Variants in PRKN observed in about 807,000 individuals in gnomAD.
The protein encoded by PRKN is E3 ubiquitin-protein ligase parkin.
Under a neutral mutation model 59.5 loss-of-function variants are expected in PRKN, and 56 were observed. The observed-to-expected ratio is 0.94, with a 90% confidence interval of 0.76 to 1.18. PRKN has a LOEUF of 1.18. Among genes scored for constraint, PRKN ranks in the 50% most tolerant of loss-of-function variants. The pLI is 0.00. For missense variants in PRKN, 657 were observed against 596.4 expected, an observed-to-expected ratio of 1.10 and a Z score of -1.06; for synonymous variants, 250 against 222.1, an observed-to-expected ratio of 1.13 and a Z score of -1.12.
At chr6:161,606,919 C>T (rs1252139113) in intron 7 of PRKN, among the ~76,000 whole-genome samples, 1 of 152,204 alleles carries the variant, frequency 6.6e-6, no homozygotes, top group African/African-American at 2.4e-5. Context: ...AGTAGCCCTA[C>T]AGAGTGGATC....
rs570631658 is a variant in PRKN at position 161,405,523 on chromosome 6, A to G, written c.1084-18646T>C. On this transcript the variant is annotated intron_variant, in intron 9 of 11. Coordinates refer to ENST00000366898, the MANE Select transcript of PRKN (RefSeq NM_004562.3). The surrounding 1 kb of genome is among the most constrained non-coding windows in gnomAD (Gnocchi z 5.1). ...AACCCAAGATGTGCAGGTTGTAGTG[A>G]CCCAAGATCGTGCCATTGCACCCCA... Among the ~76,000 whole-genome samples, 1 of 152,080 alleles carries G rather than the reference A, an allele frequency of 6.6e-6. No individual in the cohort carries two copies. Among genetic ancestry groups the G allele is most frequent in the South Asian group, 2.1e-4 (1 of 4,822 alleles).
chr6:162,554,348 ACAAAATTAG>A (rs1779464515), intron 1 of PRKN, among the ~76,000 whole-genome samples: 1 of 152,074 alleles, frequency 6.6e-6, no homozygotes, highest in South Asian at 2.1e-4. Flanking sequence ...TACTAAAAAT[ACAAAATTAG>A]CCGGGCGTGG....
intron 9 of PRKN, among the ~76,000 whole-genome samples, chr6:161,432,377 T>C (rs896644414): frequency 7.9e-6 from 1 of 126,642 alleles, no homozygotes; most frequent in Non-Finnish European, 1.7e-5. Flanking sequence ...TTTTTTTTTT[T>C]TTGAGACGAA....
intron 1 of PRKN, among the ~76,000 whole-genome samples, chr6:162,475,703 C>G (rs368489425): frequency 7.4e-6 from 1 of 134,822 alleles, no homozygotes; most frequent in African/African-American, 2.7e-5. Context: ...GTACAAAACA[C>G]CACTATTTAT....
chr6:161,854,243 A>C (rs1405196186), intron 6 of PRKN, among the ~76,000 whole-genome samples: 1 of 152,104 alleles, frequency 6.6e-6, no homozygotes, highest in Non-Finnish European at 1.5e-5. Flanking sequence ...TGACAGAGCA[A>C]GATTCCATAT....
intron 3 of PRKN, among the ~76,000 whole-genome samples, chr6:162,225,442 T>G (rs1218987750): frequency 6.6e-6 from 1 of 152,220 alleles, no homozygotes; most frequent in Non-Finnish European, 1.5e-5. Flanking sequence ...TGTGGTCTAT[T>G]TTTAAAGCTG....
At chr6:162,099,861 T>C (rs1779892493) in intron 4 of PRKN, among the ~76,000 whole-genome samples, 1 of 152,178 alleles carries the variant, frequency 6.6e-6, no homozygotes, top group Non-Finnish European at 1.5e-5. Context: ...TACTGTGCAA[T>C]ACATCACTTT....
In PRKN at chr6:162,052,559, G is replaced by T. The variant is rs138252361; in HGVS notation, c.618+1532C>A. ...ATTTCAGGACTCCTTTGAAAGTACA[G>T]GGCTCCTAGAGGATTTGGGCTACTC... On this transcript the variant is annotated intron_variant, in intron 5 of 11. Transcript: ENST00000366898. Among the ~76,000 whole-genome samples, 631 of 152,228 alleles carry T rather than the reference G, an allele frequency of 4.1e-3. 4 individuals are homozygous for T. Among genetic ancestry groups the T allele is most frequent in the African/African-American group, 0.014 (591 of 41,536 alleles).
At chr6:161,430,287 G>A (rs1311741169) in intron 9 of PRKN, among the ~76,000 whole-genome samples, 1 of 152,198 alleles carries the variant, frequency 6.6e-6, no homozygotes, top group Non-Finnish European at 1.5e-5. Flanking sequence ...CCATCCATGA[G>A]GGTAGAGTCC....
chr6:162,636,233 T>A (rs1413813114), intron 1 of PRKN, among the ~76,000 whole-genome samples: 3 of 142,492 alleles, frequency 2.1e-5, no homozygotes, highest in Non-Finnish European at 3.0e-5. Context: ...CATTTGTTTT[T>A]TCTTTTGCAA....
intron 5 of PRKN, among the ~76,000 whole-genome samples, chr6:162,020,974 G>A (rs993527358): frequency 1.3e-4 from 19 of 150,700 alleles, no homozygotes; most frequent in South Asian, 2.1e-4. Flanking sequence ...ATGGTGGTGC[G>A]CACCTGTAAT....
chr6:162,021,885 C>T lies in PRKN; in HGVS notation c.618+32206G>A, dbSNP rs116918246. Among the ~76,000 whole-genome samples, 85 of 152,138 alleles carry T rather than the reference C, an allele frequency of 5.6e-4. No homozygotes were observed. In the East Asian group the frequency reaches 0.014, roughly 26 times the overall value. The stretch of plus-strand genomic sequence containing the variant: ...TAGAATTCTCCAGTGTCTATTGTAC[C>T]CGTCTTTATGTCCATGTGTACCCAT... On this transcript the variant is annotated intron_variant, in intron 5 of 11. Transcript: ENST00000366898.
intron 6 of PRKN, among the ~76,000 whole-genome samples, chr6:161,821,042 C>G (rs1358838463): frequency 6.6e-6 from 1 of 151,926 alleles, no homozygotes; most frequent in African/African-American, 2.4e-5. Context: ...AAAAAATGGA[C>G]AAAAAGCCCA....
intron 2 of PRKN, among the ~76,000 whole-genome samples, chr6:162,338,231 T>C (rs972361438): frequency 1.3e-5 from 2 of 152,048 alleles, no homozygotes; most frequent in African/African-American, 4.8e-5. Context: ...AGAAGTAGTC[T>C]CTGAAAAAGA....
chr6:162,570,007 A>T (rs367558026), intron 1 of PRKN, among the ~76,000 whole-genome samples: 1 of 152,240 alleles, frequency 6.6e-6, no homozygotes, highest in East Asian at 1.9e-4. Flanking sequence ...CAATCAACAA[A>T]GTGAAGAGAC....
In PRKN at chr6:161,405,818, G is replaced by T. The variant is rs1787246235; in HGVS notation, c.1084-18941C>A. Among the ~76,000 whole-genome samples, 1 of 152,002 alleles carries T rather than the reference G, an allele frequency of 6.6e-6. No homozygotes were observed. The highest frequency in any genetic ancestry group is 2.4e-5 in the African/African-American group (1 of 41,350). On this transcript the variant is annotated intron_variant, in intron 9 of 11. Transcript: ENST00000366898. The surrounding 1 kb of genome is among the most constrained non-coding windows in gnomAD (Gnocchi z 5.1). ...GATCAGCAGAAGGGTTAACTGCCAA[G>T]TCTATGCCTGTTCCTACCAATTTGG...
At chr6:162,484,175 A>C (rs4709631) in intron 1 of PRKN, among the ~76,000 whole-genome samples, 82,058 of 152,112 alleles carry the variant, frequency 0.54, 22,504 homozygotes, top group African/African-American at 0.64. Context: ...TCCCACTGTA[A>C]ATCCTAGTGG....
At chr6:162,424,481 A>G (rs971010646) in intron 2 of PRKN, among the ~76,000 whole-genome samples, 2 of 152,106 alleles carry the variant, frequency 1.3e-5, no homozygotes, top group African/African-American at 4.8e-5. Context: ...CACGCTTGTA[A>G]TCCCAGCACT....
At chr6:162,320,683 G>A (rs1782981742) in intron 2 of PRKN, among the ~76,000 whole-genome samples, 2 of 151,556 alleles carry the variant, frequency 1.3e-5, no homozygotes, top group Non-Finnish European at 3.0e-5. Flanking sequence ...TTTCATGAAA[G>A]GCTAATCATA....
Sources: gnomAD v4.1 joint callset for allele counts (sites outside exome capture counted in the v4.1 genomes callset) on GRCh38, gnomAD v4.1.1 for gene constraint, Gnocchi (gnomAD v3.1) non-coding constraint, MANE v1.5 for transcripts, NCBI Gene and HGNC (gene_info 2026-07-23, HGNC 2026-07-21) for gene names.